The following C1orf21 variants were observed in gnomAD, a reference collection of about 807,000 sequenced individuals.
C1orf21 encodes the protein chromosome 1 open reading frame 21, also known as uncharacterized protein C1orf21.
Under a neutral mutation model 18.7 loss-of-function variants are expected in C1orf21, and 3 were observed. The ratio of observed to expected loss-of-function variants is 0.16; its 90% confidence interval spans 0.07 to 0.42. The LOEUF (loss-of-function observed/expected upper bound fraction) is 0.42. Ranked by LOEUF, C1orf21 falls within the 10% of genes least tolerant of loss-of-function variation. C1orf21 has a pLI of 0.99. For synonymous variants in C1orf21, 41 were observed against 46.4 expected, an observed-to-expected ratio of 0.88 and a Z score of 0.47; for missense variants, 104 against 143.6, an observed-to-expected ratio of 0.72 and a Z score of 1.41.
intron 3 of C1orf21, among the ~76,000 whole-genome samples, chr1:184,530,437 AATG>A (rs912362374): frequency 1.6e-4 from 25 of 151,920 alleles, no homozygotes; most frequent in African/African-American, 3.1e-4. Context: ...TGATGAAGGC[AATG>A]ATGATGATGA....
At chr1:184,586,408 C>T (rs1475623037) in intron 3 of C1orf21, among the ~76,000 whole-genome samples, 3 of 151,612 alleles carry the variant, frequency 2.0e-5, no homozygotes, top group South Asian at 2.1e-4. Context: ...CTCAGCCTCC[C>T]GAGTAGCTGG....
Position 184,528,172 on chromosome 1 carries a change from A to G in C1orf21, c.189+20490A>G, listed in dbSNP as rs1482775365. ...ACAGATGAGTAAGCAGAATTCAGAT[A>G]AGTTAAACTTCTTTTCTAAAGTAAT... is the stretch of plus-strand genomic sequence containing the variant. On this transcript the variant is annotated intron_variant, in intron 3 of 5. Coordinates refer to ENST00000235307, the MANE Select transcript of C1orf21 (RefSeq NM_030806.4). Among the ~76,000 whole-genome samples, 5 of 152,354 alleles carry G rather than the reference A, an allele frequency of 3.3e-5. No individual in the cohort carries two copies. The South Asian group carries it at 8.3e-4, about 25-fold the overall frequency.
At chr1:184,410,343 G>A (rs558851213) in intron 1 of C1orf21, among the ~76,000 whole-genome samples, 20 of 151,756 alleles carry the variant, frequency 1.3e-4, no homozygotes, top group African/African-American at 4.8e-4. Flanking sequence ...TTTTGAAGAC[G>A]TTGAATGATT....
chr1:184,406,016 T>C (rs1013744509), intron 1 of C1orf21, among the ~76,000 whole-genome samples: 3 of 152,214 alleles, frequency 2.0e-5, no homozygotes, highest in African/African-American at 7.2e-5. Flanking sequence ...TATATTTGAG[T>C]GTCTACCAAG....
chr1:184,559,537 T>TCCTTCCCC lies in C1orf21; in HGVS notation c.190-31196_190-31195insCCCCTTCC, dbSNP rs1658928554. On this transcript the variant is annotated intron_variant, in intron 3 of 5. Coordinates refer to ENST00000235307, the MANE Select transcript of C1orf21 (RefSeq NM_030806.4). Reference sequence around the variant, plus strand: ...TTCCTTCCTTCCTTCCTTCCTTCCTTCCTTCCTTCCTTCCTTCCTCTCTCT... The same window carrying TCCTTCCCC: ...TTCCTTCCTTCCTTCCTTCCTTCCTTCCTTCCCCCCTTCCTTCCTTCCTTCCTCTCTCT... Among the ~76,000 whole-genome samples the TCCTTCCCC allele has an allele frequency of 9.5e-4, 114 of 120,450 alleles. 5 individuals carry two copies. The highest frequency in any genetic ancestry group is 3.8e-3 in the African/African-American group (106 of 27,896). 79.0% of individuals were successfully genotyped at this position (120,450 alleles called of 152,430 possible). A position where few individuals can be genotyped will look rare whatever the true frequency, so the allele number is the denominator to read the frequency against.
chr1:184,423,599 C>A (rs961152840), intron 1 of C1orf21, among the ~76,000 whole-genome samples: 1 of 152,096 alleles, frequency 6.6e-6, no homozygotes, highest in Non-Finnish European at 1.5e-5. Context: ...ATCACATAGA[C>A]CTTTAGTGAA....
At chr1:184,425,330 TG>T (rs1371872347) in intron 1 of C1orf21, among the ~76,000 whole-genome samples, 1 of 151,708 alleles carries the variant, frequency 6.6e-6, no homozygotes, top group Non-Finnish European at 1.5e-5. Flanking sequence ...TGCAGTGGTG[TG>T]ATCTTGGCCC....
intron 3 of C1orf21, among the ~76,000 whole-genome samples, chr1:184,524,343 C>T (rs554816215): frequency 1.3e-5 from 2 of 152,078 alleles, no homozygotes; most frequent in Admixed American, 6.6e-5. Flanking sequence ...TCTATTCTTA[C>T]GTATGAATAT....
intron 3 of C1orf21, among the ~76,000 whole-genome samples, chr1:184,524,548 T>C (rs1658351796): frequency 1.3e-5 from 2 of 152,140 alleles, no homozygotes; most frequent in Admixed American, 1.3e-4. Context: ...AATATTCTTC[T>C]AAAATCACTC....
At chr1:184,531,602 A>G (rs1364120421) in intron 3 of C1orf21, among the ~76,000 whole-genome samples, 2 of 152,106 alleles carry the variant, frequency 1.3e-5, no homozygotes, top group African/African-American at 4.8e-5. Context: ...ATAAAATCTT[A>G]GTTTTCCATT....
intron 3 of C1orf21, among the ~76,000 whole-genome samples, chr1:184,580,635 G>A (rs898940345): frequency 3.3e-5 from 5 of 152,162 alleles, no homozygotes; most frequent in South Asian, 2.1e-4. Flanking sequence ...TCTTTGGGAC[G>A]TTGTCCCCAT....
chr1:184,614,660 A>C (rs1420235664), intron 5 of C1orf21, among the ~76,000 whole-genome samples: 1 of 152,172 alleles, frequency 6.6e-6, no homozygotes, highest in Non-Finnish European at 1.5e-5. Flanking sequence ...TTACATATTC[A>C]CCATAATGTA....
intron 3 of C1orf21, among the ~76,000 whole-genome samples, chr1:184,578,845 G>A (rs1659231667): frequency 6.6e-6 from 1 of 151,992 alleles, no homozygotes; most frequent in South Asian, 2.1e-4. Flanking sequence ...ACAAGAGTAG[G>A]ATTGTATAAA....
In C1orf21 at chr1:184,539,480, G is replaced by A. The variant is rs188306244; in HGVS notation, c.189+31798G>A. ...TCTGTAGTGTCTTTGTCTGGCTTCCGTATCAGGATAATGCTGATCTTGTAT... is the reference window on the plus strand; with the variant it reads ...TCTGTAGTGTCTTTGTCTGGCTTCCATATCAGGATAATGCTGATCTTGTAT... On this transcript the variant is annotated intron_variant, in intron 3 of 5. Coordinates refer to ENST00000235307, the MANE Select transcript of C1orf21 (RefSeq NM_030806.4). Among the ~76,000 whole-genome samples the A allele has an allele frequency of 1.7e-3, 261 of 152,218 alleles. 3 individuals carry two copies. Among genetic ancestry groups the A allele is most frequent in the Non-Finnish European group, 4.1e-4 (28 of 68,000 alleles).
chr1:184,581,111 G>C (rs751600977), intron 3 of C1orf21, among the ~76,000 whole-genome samples: 2 of 152,088 alleles, frequency 1.3e-5, no homozygotes, highest in African/African-American at 4.8e-5. Context: ...TGTGCTGGTC[G>C]TGTAGTGTGT....
chr1:184,551,326 G>A (rs112174850), intron 3 of C1orf21, among the ~76,000 whole-genome samples: 232 of 152,280 alleles, frequency 1.5e-3, no homozygotes, highest in Non-Finnish European at 2.8e-3. Flanking sequence ...TATAAAAGCA[G>A]TGGAAGAAAC....
intron 5 of C1orf21, among the ~76,000 whole-genome samples, chr1:184,600,495 A>C (rs10911618): frequency 0.59 from 89,952 of 152,080 alleles, 29,168 homozygotes; most frequent in African/African-American, 0.88. Context: ...TGAAATTCTA[A>C]CTCTTTTTAC....
chr1:184,491,412 C>T (rs10157023), intron 2 of C1orf21, among the ~76,000 whole-genome samples: 1,656 of 151,494 alleles, frequency 0.011, 33 homozygotes, highest in African/African-American at 0.038. Context: ...TGCAATGGCA[C>T]GATCCCAGCT....
chr1:184,525,911 G>A (rs950197179), intron 3 of C1orf21, among the ~76,000 whole-genome samples: 2 of 152,110 alleles, frequency 1.3e-5, no homozygotes, highest in Non-Finnish European at 2.9e-5. Flanking sequence ...TCATTCTGCT[G>A]TAGATGGTAA....
Sources: gnomAD v4.1 joint callset for allele counts (sites outside exome capture counted in the v4.1 genomes callset) on GRCh38, gnomAD v4.1.1 for gene constraint, MANE v1.5 for transcripts, NCBI Gene and HGNC (gene_info 2026-07-23, HGNC 2026-07-21) for gene names.